The following SCFD1 variants were observed in gnomAD, a reference collection of about 807,000 sequenced individuals.
SCFD1 encodes sec1 family domain containing 1, also known as sec1 family domain-containing protein 1.
Under a neutral mutation model 103.2 loss-of-function variants are expected in SCFD1, and 37 were observed. The ratio of observed to expected loss-of-function variants is 0.36; its 90% confidence interval spans 0.28 to 0.47. The LOEUF is 0.47. SCFD1 is among the 20% of genes least tolerant of loss of function. The pLI, the probability that SCFD1 is intolerant of heterozygous loss-of-function variation, is 1.00. For missense variants in SCFD1, 639 were observed against 761.2 expected (o/e 0.84, Z 1.89); for synonymous variants, 264 against 245.0 (o/e 1.08, Z -0.73).
At chr14:30,691,581 T>C (rs1038268239) in intron 14 of SCFD1, among the ~76,000 whole-genome samples, 2 of 152,260 alleles carry the variant, frequency 1.3e-5, no homozygotes, top group African/African-American at 4.8e-5. Context: ...ATTAAAGGGC[T>C]GTTACTTTTA....
At chr14:30,636,532 G>A (rs1884739785) in intron 4 of SCFD1, among the ~76,000 whole-genome samples, 2 of 152,024 alleles carry the variant, frequency 1.3e-5, no homozygotes, top group Non-Finnish European at 2.9e-5. Context: ...AAAATCAGCT[G>A]ACCACAGATA....
chr14:30,680,411 G>A (rs1395576753), intron 14 of SCFD1, among the ~76,000 whole-genome samples: 2 of 151,986 alleles, frequency 1.3e-5, no homozygotes, highest in Admixed American at 6.5e-5. Context: ...TAACATAGTA[G>A]GTATATTCCC....
chr14:30,679,434 G>T (rs1158829345), intron 14 of SCFD1, among the ~76,000 whole-genome samples: 4 of 152,014 alleles, frequency 2.6e-5, no homozygotes, highest in Admixed American at 2.6e-4. Flanking sequence ...AGAAAATACT[G>T]TATTTTACGG....
chr14:30,711,234 A>G (rs959063956), intron 19 of SCFD1, among the ~76,000 whole-genome samples: 2 of 152,254 alleles, frequency 1.3e-5, no homozygotes, highest in Non-Finnish European at 1.5e-5. Context: ...GTGAAAATCC[A>G]TAGATTAAAA....
intron 6 of SCFD1, among the ~76,000 whole-genome samples, chr14:30,640,993 A>G (rs546977310): frequency 6.6e-6 from 1 of 152,284 alleles, no homozygotes; most frequent in African/African-American, 2.4e-5. Context: ...GCATGTTACA[A>G]TATGAGCTAA....
chr14:30,699,580 A>G (rs1162548587), intron 15 of SCFD1, among the ~76,000 whole-genome samples: 1 of 152,206 alleles, frequency 6.6e-6, no homozygotes, highest in Non-Finnish European at 1.5e-5. Flanking sequence ...TGAGGCAAAT[A>G]TATTCTATGT....
intron 16 of SCFD1, 133 bp downstream of exon 16, chr14:30,700,391 G>C (rs1462882774): frequency 7.4e-6 from 5 of 674,624 alleles, no homozygotes; most frequent in Non-Finnish European, 1.3e-5. Context: ...AAAGAAAAAT[G>C]GCCAGGCGTG....
At chr14:30,673,488 G>A in intron 12 of SCFD1, 141 bp downstream of exon 12, 1 of 480,434 alleles carries the variant, frequency 2.1e-6, no homozygotes, top group Non-Finnish European at 3.8e-6. Context: ...TTGCGTAAGT[G>A]ATCAAAAAGA....
chr14:30,654,605 C>A (rs1470939913), intron 10 of SCFD1, among the ~76,000 whole-genome samples: 1 of 149,442 alleles, frequency 6.7e-6, no homozygotes, highest in Non-Finnish European at 1.5e-5. Context: ...ACCCAGGAGG[C>A]GGAGGTTGCA....
intron 12 of SCFD1, among the ~76,000 whole-genome samples, 180 bp from the exon 13 acceptor site, chr14:30,673,744 T>C (rs1388834218): frequency 6.6e-6 from 1 of 152,180 alleles, no homozygotes; most frequent in Non-Finnish European, 1.5e-5. Flanking sequence ...AGAACTTTTA[T>C]GTAACATTAA....
intron 17 of SCFD1, among the ~76,000 whole-genome samples, chr14:30,703,940 TATATATATATATATATATATATAA>T (rs375746806): frequency 0.072 from 4,946 of 68,254 alleles, 407 homozygotes; most frequent in African/African-American, 0.29. Flanking sequence ...TATATATATA[TATATATATATATATATATATATAA>T]ATAATGAGAT....
intron 1 of SCFD1, 142 bp downstream of exon 1, chr14:30,622,541 T>C: frequency 7.2e-7 from 1 of 1,387,886 alleles, no homozygotes; most frequent in Non-Finnish European, 9.4e-7. Context: ...CTTTGAGTTT[T>C]TGGGGAGAAG....
At chr14:30,730,193 CT>C (rs1477593023) in intron 23 of SCFD1, among the ~76,000 whole-genome samples, 2 of 152,124 alleles carry the variant, frequency 1.3e-5, no homozygotes, top group East Asian at 1.9e-4. Flanking sequence ...TGAACTCATC[CT>C]TTTTTATGGC....
At chr14:30,668,649 A>G (rs535051627) in intron 10 of SCFD1, among the ~76,000 whole-genome samples, 4 of 152,362 alleles carry the variant, frequency 2.6e-5, no homozygotes, top group Admixed American at 1.3e-4. Context: ...CAATCTACCC[A>G]TCTGACAAAG....
At chr14:30,649,701 T>G in intron 8 of SCFD1, 118 bp downstream of exon 8, 3 of 690,958 alleles carry the variant, frequency 4.3e-6, no homozygotes, top group Admixed American at 3.5e-5. Context: ...TAGGTACCAA[T>G]AGCAAATATT....
chr14:30,683,474 C>T (rs1889661986), intron 14 of SCFD1: 1 of 418,834 alleles, frequency 2.4e-6, no homozygotes. Flanking sequence ...TGCTGCCACA[C>T]ATTATGAGTC....
intron 10 of SCFD1, among the ~76,000 whole-genome samples, chr14:30,664,911 T>C (rs1390801653): frequency 1.3e-5 from 2 of 152,166 alleles, no homozygotes; most frequent in East Asian, 3.8e-4. Context: ...AGACCAAATC[T>C]GCGTTTGATT....
intron 19 of SCFD1, among the ~76,000 whole-genome samples, chr14:30,710,787 G>GGT (rs1340801838): frequency 2.0e-5 from 3 of 152,136 alleles, no homozygotes; most frequent in Non-Finnish European, 4.4e-5. Flanking sequence ...GGAACTGAGA[G>GGT]GTAAGAGGTA....
chr14:30,719,588 A>G (rs991767162), intron 21 of SCFD1, among the ~76,000 whole-genome samples: 7 of 152,166 alleles, frequency 4.6e-5, no homozygotes, highest in African/African-American at 1.7e-4. Flanking sequence ...ACACACACAA[A>G]TCCATTTAGA....
Sources: allele counts gnomAD v4.1 joint callset (sites outside exome capture counted in the v4.1 genomes callset), GRCh38; gene constraint gnomAD v4.1.1; transcripts MANE v1.5; gene names NCBI Gene and HGNC (gene_info 2026-07-23, HGNC 2026-07-21).